KCTD16: variants seen among roughly 807,000 people sequenced by gnomAD.
KCTD16 encodes the protein potassium channel tetramerization domain containing 16.
A neutral mutation model predicts 33.2 loss-of-function variants in KCTD16; 13 were observed. The ratio of observed to expected loss-of-function variants is 0.39; its 90% CI spans 0.25 to 0.62. KCTD16 has a LOEUF of 0.62. Ranked by LOEUF, KCTD16 falls within the 20% of genes least tolerant of loss-of-function variation. The pLI, the probability that KCTD16 is intolerant of heterozygous loss-of-function variation, is 0.50. For synonymous variants in KCTD16, 197 were observed against 195.3 expected (o/e 1.01, Z -0.07); for missense variants, 441 against 525.1 (o/e 0.84, Z 1.57).
chr5:144,474,007 G>C lies in KCTD16; in HGVS notation c.1180G>C (p.Glu394Gln). Residue 394 changes from glutamate (E) to glutamine (Q), a missense_variant, in exon 4 of 4, where the codon GAG becomes CAG. Glu to Gln is a conservative substitution (Grantham distance 29). This residue lies in a region of KCTD16 where 355 missense variants were observed against 413.0 expected (regional missense o/e 0.86). Transcript: ENST00000512467. Reference sequence around the variant, plus strand: ...TAAAGAAAAGCTCTCAATTGAGGAGGAGCTGGAGAAATGTATCCAGGATTT... The same window carrying C: ...TAAAGAAAAGCTCTCAATTGAGGAGCAGCTGGAGAAATGTATCCAGGATTT... Reference protein sequence around the residue: ...AVKEKLSIEEELEKCIQDFLK... With the variant: ...AVKEKLSIEEQLEKCIQDFLK... 2 of 1,614,052 alleles carry C rather than the reference G, an allele frequency of 1.2e-6. 1 individual carries two copies. The highest frequency in any genetic ancestry group is 2.2e-5 in the South Asian group (2 of 91,064).
chr5:144,245,972 A>C (rs1203890765), intron 3 of KCTD16, among the ~76,000 whole-genome samples: 1 of 152,196 alleles, frequency 6.6e-6, no homozygotes, highest in Non-Finnish European at 1.5e-5. Context: ...ACATGGGGAC[A>C]CAAGATGGCA....
intron 3 of KCTD16, among the ~76,000 whole-genome samples, chr5:144,297,967 A>G (rs987424400): frequency 6.6e-6 from 1 of 151,668 alleles, no homozygotes; most frequent in Non-Finnish European, 1.5e-5. Context: ...GCCGTCACAG[A>G]CCCCCCTTGA....
chr5:144,307,061 G>A (rs759280000), intron 3 of KCTD16, among the ~76,000 whole-genome samples: 1 of 152,064 alleles, frequency 6.6e-6, no homozygotes, highest in Admixed American at 6.5e-5. Flanking sequence ...TCTGACACTA[G>A]CCCACCTTTC....
intron 3 of KCTD16, among the ~76,000 whole-genome samples, chr5:144,346,631 A>G (rs1304178657): frequency 6.6e-6 from 1 of 152,164 alleles, no homozygotes; most frequent in East Asian, 1.9e-4. Context: ...GCACCTTTTC[A>G]TATGTCTGCC....
chr5:144,198,645 C>T (rs1259811312), intron 2 of KCTD16, among the ~76,000 whole-genome samples: 1 of 152,194 alleles, frequency 6.6e-6, no homozygotes, highest in Non-Finnish European at 1.5e-5. Flanking sequence ...TGCTGAATCA[C>T]TGTAAAATGA....
chr5:144,349,021 G>A (rs915266688), intron 3 of KCTD16, among the ~76,000 whole-genome samples: 1 of 152,174 alleles, frequency 6.6e-6, no homozygotes, highest in Non-Finnish European at 1.5e-5. Flanking sequence ...TCAAAGCTGG[G>A]CTGTGACTGC....
intron 3 of KCTD16, among the ~76,000 whole-genome samples, chr5:144,284,601 A>G (rs1755693587): frequency 6.6e-6 from 1 of 152,232 alleles, no homozygotes; most frequent in African/African-American, 2.4e-5. Context: ...TGGCATATAC[A>G]AAAGACAGTC....
At chr5:144,434,376 G>A (rs994740907) in intron 3 of KCTD16, among the ~76,000 whole-genome samples, 2 of 151,970 alleles carry the variant, frequency 1.3e-5, no homozygotes, top group Non-Finnish European at 2.9e-5. Context: ...TTCACAGAGG[G>A]ACATAATAAT....
intron 3 of KCTD16, among the ~76,000 whole-genome samples, chr5:144,408,383 G>T (rs1282763051): frequency 2.0e-5 from 3 of 152,134 alleles, no homozygotes; most frequent in Non-Finnish European, 4.4e-5. Context: ...CCACAGTTAC[G>T]GTTTAAGCAC....
intron 3 of KCTD16, among the ~76,000 whole-genome samples, chr5:144,392,939 A>G (rs1364787359): frequency 6.6e-6 from 1 of 152,154 alleles, no homozygotes; most frequent in Non-Finnish European, 1.5e-5. Flanking sequence ...TTGTGTGCTG[A>G]CCACTGAAAT....
At position 144,484,056 on chromosome 5, in the gene KCTD16, A is replaced by T. The variant is rs754996524; in HGVS notation, c.*9942A>T. 1.8e-4 allele frequency: 27 copies of T among 151,238 alleles called. No individual in the cohort carries two copies. The highest frequency in any genetic ancestry group is 3.8e-4 in the Non-Finnish European group (26 of 67,882). 9.4% of individuals were successfully genotyped at this position (151,238 alleles called of 1,614,324 possible). A position where few individuals can be genotyped will look rare whatever the true frequency, so the allele number is the denominator to read the frequency against. On this transcript the variant is annotated 3_prime_UTR_variant, in exon 4 of 4. Coordinates refer to ENST00000512467, the MANE Select transcript of KCTD16 (RefSeq NM_020768.4). ...TCATGTTCCTCTGTCATTTTATTTT[A>T]TTTATTTATTTTTAATTCCAAAGGA... is the stretch of plus-strand genomic sequence containing the variant.
At chr5:144,200,232 G>T (rs1753017639) in intron 2 of KCTD16, among the ~76,000 whole-genome samples, 1 of 151,938 alleles carries the variant, frequency 6.6e-6, no homozygotes, top group Non-Finnish European at 1.5e-5. Flanking sequence ...ATTCTGTTCG[G>T]AGGCACAATG....
At chr5:144,255,635 C>G (rs765388077) in intron 3 of KCTD16, among the ~76,000 whole-genome samples, 23 of 152,122 alleles carry the variant, frequency 1.5e-4, no homozygotes, top group Non-Finnish European at 3.1e-4. Context: ...AATGTCTATT[C>G]AAGTGCTTAG....
At chr5:144,468,421 C>T (rs760394926) in intron 3 of KCTD16, among the ~76,000 whole-genome samples, 1 of 152,136 alleles carries the variant, frequency 6.6e-6, no homozygotes, top group African/African-American at 2.4e-5. Context: ...TCTGTTCTTG[C>T]CCGTACTAAC....
intron 3 of KCTD16, among the ~76,000 whole-genome samples, chr5:144,394,439 G>T (rs551141078): frequency 6.6e-6 from 1 of 152,164 alleles, no homozygotes; most frequent in African/African-American, 2.4e-5. Context: ...CAACACAAAT[G>T]AATCATTGTG....
At chr5:144,277,796 A>G (rs1755478512) in intron 3 of KCTD16, among the ~76,000 whole-genome samples, 1 of 152,192 alleles carries the variant, frequency 6.6e-6, no homozygotes, top group South Asian at 2.1e-4. Context: ...AGCATCTTTC[A>G]TGTACTTCTT....
intron 3 of KCTD16, among the ~76,000 whole-genome samples, chr5:144,424,543 T>C (rs1393528453): frequency 3.3e-5 from 5 of 152,212 alleles, no homozygotes; most frequent in Admixed American, 1.3e-4. Flanking sequence ...ATGGCCACTC[T>C]GTCTTCGATC....
At chr5:144,367,720 A>G (rs1430097606) in intron 3 of KCTD16, among the ~76,000 whole-genome samples, 1 of 149,734 alleles carries the variant, frequency 6.7e-6, no homozygotes, top group Non-Finnish European at 1.5e-5. Context: ...CTTTTATTTC[A>G]GAATCAGGGG....
intron 3 of KCTD16, among the ~76,000 whole-genome samples, chr5:144,320,835 T>C (rs1752052626): frequency 6.6e-6 from 1 of 152,106 alleles, no homozygotes; most frequent in African/African-American, 2.4e-5. Flanking sequence ...ATGGGGATTA[T>C]GGGCATTTCA....
Sources: gnomAD v4.1 joint callset for allele counts (sites outside exome capture counted in the v4.1 genomes callset) on GRCh38, gnomAD v4.1.1 for gene constraint, gnomAD v4.1.1 regional missense constraint, MANE v1.5 for transcripts, NCBI Gene and HGNC (gene_info 2026-07-23, HGNC 2026-07-21) for gene names.